WDR27: variants seen among roughly 807,000 people sequenced by gnomAD.
The protein encoded by WDR27 is WD repeat domain 27.
In WDR27, 100 loss-of-function variants were observed where a neutral mutation model predicts 114.4. The ratio of observed to expected loss-of-function variants is 0.87; its 90% CI spans 0.74 to 1.03. The LOEUF is 1.03. Ranked by LOEUF, WDR27 falls within the 50% of genes least tolerant of loss-of-function variation. The pLI, the probability that WDR27 is intolerant of heterozygous loss-of-function variation, is 0.00. For synonymous variants in WDR27, 449 were observed against 423.1 expected, an observed-to-expected ratio of 1.06 and a Z score of -0.75; for missense variants, 1,129 against 1,092.9, an observed-to-expected ratio of 1.03 and a Z score of -0.47.
At chr6:169,481,586 C>T (rs1349621815) in intron 25 of WDR27, among the ~76,000 whole-genome samples, 1 of 152,214 alleles carries the variant, frequency 6.6e-6, no homozygotes, top group Non-Finnish European at 1.5e-5. Context: ...CTCCTGAGGC[C>T]AGTGAGACCA....
At chr6:169,531,281 T>C (rs1038976360) in intron 25 of WDR27, among the ~76,000 whole-genome samples, 1 of 151,966 alleles carries the variant, frequency 6.6e-6, no homozygotes, top group Non-Finnish European at 1.5e-5. Flanking sequence ...TGAATCTTCA[T>C]TTTTTTTCTA....
intron 24 of WDR27, among the ~76,000 whole-genome samples, chr6:169,577,630 G>A (rs2128134834): frequency 6.6e-6 from 1 of 152,304 alleles, no homozygotes; most frequent in South Asian, 2.1e-4. Context: ...TGCGTGGGGA[G>A]CTTAGCCCGT....
chr6:169,583,047 A>G (rs917708859), intron 23 of WDR27, 113 bp from the exon 24 acceptor site: 3 of 805,198 alleles, frequency 3.7e-6, no homozygotes, highest in Non-Finnish European at 5.9e-6. Flanking sequence ...CAGATACAAC[A>G]GCAACAACCA....
At chr6:169,501,973 C>T (rs534098131) in intron 25 of WDR27, among the ~76,000 whole-genome samples, 1 of 152,252 alleles carries the variant, frequency 6.6e-6, no homozygotes, top group Non-Finnish European at 1.5e-5. Flanking sequence ...CCTAAGATCA[C>T]AGCCAAGGAC....
At chr6:169,577,804 C>T (rs900603489) in intron 24 of WDR27, among the ~76,000 whole-genome samples, 1 of 152,166 alleles carries the variant, frequency 6.6e-6, no homozygotes, top group Admixed American at 6.5e-5. Flanking sequence ...TGCCGGTTTG[C>T]GCTGGGACAC....
rs192634352 is a variant in WDR27 at position 169,634,441 on chromosome 6, G to A, written c.2088C>T (p.Asn696=). 2.0e-5 allele frequency: 33 copies of A among 1,612,092 alleles called. No homozygotes were observed. In the African/African-American group the frequency reaches 2.1e-4, roughly 10 times the overall value. The change falls in exon 20 of 26, where the codon AAC becomes AAT. Residue 696 remains asparagine, a synonymous_variant. Coordinates refer to ENST00000448612, the MANE Select transcript of WDR27 (RefSeq NM_182552.5). ...GAGAAAGGATACGGGAATAAAAGTCGTTGACTGCCGATAAACTGGTCATGT... is the reference window on the plus strand; with the variant it reads ...GAGAAAGGATACGGGAATAAAAGTCATTGACTGCCGATAAACTGGTCATGT... ...AVDMTSLSAV[N]DFYSHIVLAA...
chr6:169,570,696 G>T (rs531347387), intron 25 of WDR27, among the ~76,000 whole-genome samples: 2 of 152,186 alleles, frequency 1.3e-5, no homozygotes, highest in African/African-American at 2.4e-5. Flanking sequence ...AGGCGTGGTG[G>T]CGGGCACCTG....
At chr6:169,670,490 C>A in intron 4 of WDR27, 79 bp downstream of exon 4, 1 of 1,552,888 alleles carries the variant, frequency 6.4e-7, no homozygotes, top group Non-Finnish European at 8.8e-7. Context: ...AAAGAAAAGA[C>A]CGCTGGGCAA....
intron 1 of WDR27, among the ~76,000 whole-genome samples, chr6:169,697,846 C>A (rs1786628755): frequency 6.6e-6 from 1 of 152,144 alleles, no homozygotes; most frequent in Non-Finnish European, 1.5e-5. Flanking sequence ...GGGGCCACTA[C>A]CGGTCTCCGT....
At chr6:169,617,483 C>T (rs763275321) in intron 21 of WDR27, among the ~76,000 whole-genome samples, 1 of 152,230 alleles carries the variant, frequency 6.6e-6, no homozygotes, top group Non-Finnish European at 1.5e-5. Context: ...TCAAGTGACT[C>T]TCCTGCCTCA....
Position 169,643,735 on chromosome 6 carries a change from A to C in WDR27, c.1709T>G (p.Phe570Cys), listed in dbSNP as rs201488884. The C allele has an allele frequency of 2.9e-3, 4,635 of 1,613,786 alleles. 26 individuals carry two copies. The highest frequency in any genetic ancestry group is 0.01 in the South Asian group (929 of 91,064). The change falls in exon 17 of 26, where the codon TTT becomes TGT. Residue 570 changes from phenylalanine to cysteine, a missense_variant. Physicochemically the swap from Phe to Cys is radical, Grantham distance 205 (BLOSUM62 -2). Transcript: ENST00000448612. ...CGLANHLLLVFDASLTGTPAV... is the reference protein window; with the variant it reads ...CGLANHLLLVCDASLTGTPAV... The stretch of plus-strand genomic sequence containing the variant: ...AGGTGTCCCAGTCAGGCTGGCATCA[A>C]AAACGAGTAACAGATGGTTGGCCAA...
intron 25 of WDR27, among the ~76,000 whole-genome samples, chr6:169,532,604 T>C (rs980890568): frequency 1.3e-4 from 20 of 152,206 alleles, no homozygotes; most frequent in African/African-American, 4.8e-4. Flanking sequence ...GAAAATTACA[T>C]TCAATTGTAT....
intron 25 of WDR27, among the ~76,000 whole-genome samples, chr6:169,516,675 C>T (rs993529728): frequency 8.6e-5 from 13 of 151,860 alleles, no homozygotes; most frequent in Non-Finnish European, 1.6e-4. Flanking sequence ...ATGTGTGTCC[C>T]CAAGAGCTGG....
At chr6:169,567,779 A>T (rs1459367664) in intron 25 of WDR27, among the ~76,000 whole-genome samples, 2 of 152,142 alleles carry the variant, frequency 1.3e-5, no homozygotes, top group African/African-American at 4.8e-5. Context: ...CCTGCTTTTT[A>T]GGATGCTCCC....
At chr6:169,696,977 G>A (rs1271892557) in intron 1 of WDR27, among the ~76,000 whole-genome samples, 1 of 152,004 alleles carries the variant, frequency 6.6e-6, no homozygotes, top group Non-Finnish European at 1.5e-5. Flanking sequence ...TGATATCACT[G>A]GAATTATTTC....
At chr6:169,685,138 A>C (rs1782567789) in intron 2 of WDR27, among the ~76,000 whole-genome samples, 1 of 152,158 alleles carries the variant, frequency 6.6e-6, no homozygotes, top group Non-Finnish European at 1.5e-5. Flanking sequence ...AGACCCCACT[A>C]AACTGACACC....
At chr6:169,490,440 G>A (rs73789967) in intron 25 of WDR27, among the ~76,000 whole-genome samples, 35 of 152,356 alleles carry the variant, frequency 2.3e-4, no homozygotes, top group Non-Finnish European at 4.1e-4. Context: ...AGGTGTGTGC[G>A]CAGAAGGAGT....
chr6:169,643,832 C>CAGCTTTCTTTCCGCGCCG, intron 16 of WDR27, 46 bp from the exon 17 acceptor site: 1 of 1,494,592 alleles, frequency 6.7e-7, no homozygotes, highest in Non-Finnish European at 9.2e-7. Context: ...AAGCCTAATT[C>CAGCTTTCTTTCCGCGCCG]ATAGGAGTCA....
At chr6:169,540,239 T>G (rs182391393) in intron 25 of WDR27, among the ~76,000 whole-genome samples, 54 of 152,282 alleles carry the variant, frequency 3.5e-4, no homozygotes, top group Non-Finnish European at 7.6e-4. Context: ...CCAACTGAAA[T>G]GCACTCTTGC....
Sources: allele counts gnomAD v4.1 joint callset (sites outside exome capture counted in the v4.1 genomes callset), GRCh38; gene constraint gnomAD v4.1.1; transcripts MANE v1.5; gene names NCBI Gene and HGNC (gene_info 2026-07-23, HGNC 2026-07-21).